The following BCL9 variants were observed in gnomAD, a reference collection of about 807,000 sequenced individuals.
BCL9 encodes the protein B-cell CLL/lymphoma 9 protein.
In BCL9, 25 loss-of-function variants were observed where a neutral mutation model predicts 88.5. That is an observed-to-expected ratio of 0.28 (90% CI 0.21 to 0.39). The LOEUF is 0.39. Among genes scored for constraint, BCL9 ranks in the 10% least tolerant of loss-of-function variants. The pLI is 1.00. For synonymous variants in BCL9, 711 were observed against 673.3 expected, an observed-to-expected ratio of 1.06 and a Z score of -0.87; for missense variants, 1,817 against 1,877.8, an observed-to-expected ratio of 0.97 and a Z score of 0.60.
intron 1 of BCL9, among the ~76,000 whole-genome samples, chr1:147,580,829 C>A (rs190099135): frequency 4.6e-5 from 7 of 152,292 alleles, no homozygotes; most frequent in African/African-American, 1.7e-4. Flanking sequence ...TAATTGAGGA[C>A]CTACTATGTG....
chr1:147,622,821 T>C (rs1361103014), intron 9 of BCL9, among the ~76,000 whole-genome samples: 1 of 152,168 alleles, frequency 6.6e-6, no homozygotes, highest in Admixed American at 6.5e-5. Flanking sequence ...TCTCTTTGGG[T>C]CCTCATGTAG....
chr1:147,572,135 G>A (rs587696421), intron 1 of BCL9, among the ~76,000 whole-genome samples: 19 of 152,158 alleles, frequency 1.2e-4, no homozygotes, highest in African/African-American at 3.9e-4. Flanking sequence ...CCAGCTACTC[G>A]AGAGGCTGAG....
intron 1 of BCL9, among the ~76,000 whole-genome samples, chr1:147,601,265 C>T (rs1409674979): frequency 6.6e-6 from 1 of 152,144 alleles, no homozygotes; most frequent in Non-Finnish European, 1.5e-5. Flanking sequence ...ACATAACTAT[C>T]TCTTAGTGGA....
At chr1:147,599,906 G>A (rs934220597) in intron 1 of BCL9, among the ~76,000 whole-genome samples, 3 of 151,498 alleles carry the variant, frequency 2.0e-5, no homozygotes, top group Non-Finnish European at 4.4e-5. Flanking sequence ...TTTCCCTGAA[G>A]GGGCACGAGC....
intron 4 of BCL9, 109 bp from the exon 5 acceptor site, chr1:147,612,774 T>C (rs1225194923): frequency 2.7e-6 from 3 of 1,100,470 alleles, no homozygotes; most frequent in Admixed American, 2.2e-5. Flanking sequence ...GGGGTGGTTA[T>C]TTTAGTCCTA....
intron 1 of BCL9, among the ~76,000 whole-genome samples, chr1:147,557,522 G>C (rs1194277970): frequency 1.3e-5 from 2 of 152,130 alleles, no homozygotes; most frequent in Admixed American, 1.3e-4. Context: ...TGGAAGATAA[G>C]GGTAGAGGCT....
At chr1:147,544,585 A>G (rs1654472894) in intron 1 of BCL9, among the ~76,000 whole-genome samples, 1 of 152,122 alleles carries the variant, frequency 6.6e-6, no homozygotes, top group Non-Finnish European at 1.5e-5. Flanking sequence ...CGTTTTACTG[A>G]TTCCATCGTT....
At position 147,619,293 on chromosome 1, in the gene BCL9, T is replaced by C. The variant is rs140064283; in HGVS notation, c.1138T>C (p.Phe380Leu). 1.2e-6 allele frequency: 2 copies of C among 1,613,912 alleles called. No individual in the cohort carries two copies. The highest frequency in any genetic ancestry group is 2.7e-5 in the African/African-American group (2 of 74,862). Residue 380 changes from phenylalanine (F) to leucine (L), a missense_variant, in exon 8 of 10, where the codon TTC becomes CTC. Around this residue, in one of 2 missense-constraint regions of BCL9, gnomAD observed 1,228 missense variants for 1,191.6 expected, o/e 1.03. Coordinates refer to ENST00000234739, the MANE Select transcript of BCL9 (RefSeq NM_004326.4). The surrounding 1 kb of genome is among the most constrained non-coding windows in gnomAD (Gnocchi z 4.1). ...CATGCTTTTTCCTGATGAGAAAGAA[T>C]TCACAGGAGCACAAAGTGGGGGACC... is the stretch of plus-strand genomic sequence containing the variant. Reference protein sequence around the residue: ...QRMLFPDEKEFTGAQSGGPQQ... With the variant: ...QRMLFPDEKELTGAQSGGPQQ...
intron 1 of BCL9, among the ~76,000 whole-genome samples, chr1:147,591,142 G>C (rs1553199860): frequency 4.6e-5 from 7 of 152,206 alleles, no homozygotes; most frequent in East Asian, 1.9e-4. Context: ...TCTGTAAAAT[G>C]GGTATAATTA....
chr1:147,548,030 A>G (rs975987275), intron 1 of BCL9, among the ~76,000 whole-genome samples: 1 of 152,224 alleles, frequency 6.6e-6, no homozygotes, highest in Admixed American at 6.5e-5. Context: ...CCTGAAAAAT[A>G]CGCAAATTCA....
intron 1 of BCL9, among the ~76,000 whole-genome samples, chr1:147,563,136 A>G (rs1655457999): frequency 6.6e-6 from 1 of 152,212 alleles, no homozygotes. Context: ...ACCTCTTCAG[A>G]GAGCCGTTCC....
chr1:147,593,328 C>G (rs1249935641), intron 1 of BCL9, among the ~76,000 whole-genome samples: 1 of 152,142 alleles, frequency 6.6e-6, no homozygotes, highest in Admixed American at 6.5e-5. Context: ...TGCCTTCTAT[C>G]TTGCATTGTG....
At chr1:147,596,939 C>G (rs1434804343) in intron 1 of BCL9, among the ~76,000 whole-genome samples, 1 of 152,114 alleles carries the variant, frequency 6.6e-6, no homozygotes, top group Non-Finnish European at 1.5e-5. Flanking sequence ...CCTCTTATAA[C>G]CCTGATACTA....
chr1:147,577,221 T>G (rs587750116), intron 1 of BCL9, among the ~76,000 whole-genome samples: 1 of 152,226 alleles, frequency 6.6e-6, no homozygotes, highest in South Asian at 2.1e-4. Context: ...CTCGTCAGCT[T>G]TTGATAGTTT....
chr1:147,623,561 C>A (rs1197465495), intron 9 of BCL9, among the ~76,000 whole-genome samples: 1 of 152,174 alleles, frequency 6.6e-6, no homozygotes, highest in African/African-American at 2.4e-5. Context: ...AGGCGAAACT[C>A]ATTTGTGTGC....
intron 1 of BCL9, among the ~76,000 whole-genome samples, chr1:147,562,701 C>G (rs1266925642): frequency 3.3e-5 from 5 of 152,164 alleles, no homozygotes; most frequent in Non-Finnish European, 5.9e-5. Flanking sequence ...GACTACCTAA[C>G]TGGCAAAATA....
intron 8 of BCL9, among the ~76,000 whole-genome samples, chr1:147,621,310 T>C (rs949074848): frequency 9.9e-5 from 15 of 152,196 alleles, no homozygotes; most frequent in Admixed American, 2.6e-4. Context: ...TGTGTTGGGT[T>C]CACAGAATAA....
intron 1 of BCL9, among the ~76,000 whole-genome samples, chr1:147,597,897 T>A (rs1222455902): frequency 1.3e-5 from 2 of 152,242 alleles, no homozygotes; most frequent in Non-Finnish European, 2.9e-5. Context: ...TGACACATAA[T>A]GGCTGCATGA....
chr1:147,578,371 C>A (rs587690090), intron 1 of BCL9, among the ~76,000 whole-genome samples: 233 of 152,254 alleles, frequency 1.5e-3, no homozygotes, highest in Non-Finnish European at 2.9e-3. Context: ...TGTGACAGGT[C>A]ACAGTCAGAA....
Sources: allele counts gnomAD v4.1 joint callset (sites outside exome capture counted in the v4.1 genomes callset), GRCh38; gene constraint gnomAD v4.1.1; regional missense constraint gnomAD v4.1.1; non-coding constraint Gnocchi (gnomAD v3.1); transcripts MANE v1.5; gene names NCBI Gene and HGNC (gene_info 2026-07-23, HGNC 2026-07-21).